The following LRRTM4 variants were observed in gnomAD, a reference collection of about 807,000 sequenced individuals.
LRRTM4 encodes leucine rich repeat transmembrane neuronal 4, also known as leucine-rich repeat transmembrane neuronal protein 4.
A neutral mutation model predicts 47.6 loss-of-function variants in LRRTM4; 25 were observed. The ratio of observed to expected loss-of-function variants is 0.53; its 90% CI spans 0.38 to 0.73. The LOEUF (loss-of-function observed/expected upper bound fraction) is 0.73, where lower values mean the gene tolerates loss of function less well. LRRTM4 is among the 30% of genes least tolerant of loss of function. The pLI, the probability that LRRTM4 is intolerant of heterozygous loss-of-function variation, is 0.00. For synonymous variants in LRRTM4, 311 were observed against 269.5 expected, an observed-to-expected ratio of 1.15 and a Z score of -1.51; for missense variants, 638 against 713.4, an observed-to-expected ratio of 0.89 and a Z score of 1.20.
At chr2:77,324,210 G>GTTTATAATAATATTAATAA (rs1670666148) in intron 3 of LRRTM4, among the ~76,000 whole-genome samples, 1 of 151,918 alleles carries the variant, frequency 6.6e-6, no homozygotes, top group Non-Finnish European at 1.5e-5. Context: ...ATTTTTTCTC[G>GTTTATAATAATATTAATAA]ACAAATATTT....
intron 3 of LRRTM4, among the ~76,000 whole-genome samples, chr2:76,901,114 A>G (rs1929459): frequency 0.61 from 93,207 of 151,874 alleles, 30,288 homozygotes; most frequent in African/African-American, 0.83. Flanking sequence ...GTAAACGTAT[A>G]CCATGGTGGT....
intron 3 of LRRTM4, among the ~76,000 whole-genome samples, chr2:76,884,207 C>A (rs886683025): frequency 6.6e-6 from 1 of 152,104 alleles, no homozygotes; most frequent in African/African-American, 2.4e-5. Context: ...TGAATTTTCA[C>A]AAAATCCTAT....
At chr2:76,906,348 G>C (rs562747459) in intron 3 of LRRTM4, among the ~76,000 whole-genome samples, 4 of 152,086 alleles carry the variant, frequency 2.6e-5, no homozygotes, top group African/African-American at 9.6e-5. Context: ...TGAAGGAAGC[G>C]CTAAACGTGG....
intron 3 of LRRTM4, among the ~76,000 whole-genome samples, chr2:77,314,459 A>T (rs1353388773): frequency 6.6e-6 from 1 of 152,218 alleles, no homozygotes; most frequent in Non-Finnish European, 1.5e-5. Context: ...ATATATCTAA[A>T]CTAGTTTTCT....
intron 3 of LRRTM4, among the ~76,000 whole-genome samples, chr2:76,897,145 C>T (rs1375141835): frequency 6.6e-6 from 1 of 152,092 alleles, no homozygotes; most frequent in African/African-American, 2.4e-5. Flanking sequence ...ACTCTGAGAA[C>T]TTGTGATGAC....
At chr2:77,089,728 A>G (rs536686760) in intron 3 of LRRTM4, among the ~76,000 whole-genome samples, 2 of 152,172 alleles carry the variant, frequency 1.3e-5, no homozygotes, top group Non-Finnish European at 2.9e-5. Flanking sequence ...CCTAAAACCT[A>G]AATGCCTTAT....
chr2:77,371,390 T>G (rs564627920), intron 3 of LRRTM4, among the ~76,000 whole-genome samples: 1 of 151,856 alleles, frequency 6.6e-6, no homozygotes, highest in African/African-American at 2.4e-5. Context: ...TGTCAGCTAC[T>G]TTTACCATTC....
chr2:77,019,854 G>C (rs1303972150), intron 3 of LRRTM4, among the ~76,000 whole-genome samples: 9 of 152,020 alleles, frequency 5.9e-5, no homozygotes, highest in Non-Finnish European at 1.0e-4. Flanking sequence ...CTGGGTAATG[G>C]GAAAAGGTTA....
At chr2:76,926,725 T>C (rs1273150566) in intron 3 of LRRTM4, among the ~76,000 whole-genome samples, 1 of 152,120 alleles carries the variant, frequency 6.6e-6, no homozygotes, top group African/African-American at 2.4e-5. Flanking sequence ...GAGATGATAC[T>C]ACCAGATGCC....
intron 3 of LRRTM4, among the ~76,000 whole-genome samples, chr2:76,750,327 A>G (rs1203312582): frequency 6.6e-6 from 1 of 152,168 alleles, no homozygotes; most frequent in Admixed American, 6.5e-5. Flanking sequence ...CTTCTCCTCC[A>G]AGCTTTTAAG....
intron 3 of LRRTM4, among the ~76,000 whole-genome samples, chr2:77,502,826 G>A (rs980987063): frequency 2.0e-5 from 3 of 151,584 alleles, no homozygotes; most frequent in Non-Finnish European, 4.4e-5. Context: ...TTTCTGCAAC[G>A]GCTTCCTGAG....
intron 3 of LRRTM4, among the ~76,000 whole-genome samples, chr2:76,881,605 G>C (rs1425845109): frequency 6.7e-6 from 1 of 148,982 alleles, no homozygotes; most frequent in Non-Finnish European, 1.5e-5. Flanking sequence ...AATTCTCCTT[G>C]TGATACTTTT....
intron 3 of LRRTM4, among the ~76,000 whole-genome samples, chr2:76,756,112 G>A (rs1673022894): frequency 6.6e-6 from 1 of 152,192 alleles, no homozygotes; most frequent in Admixed American, 6.5e-5. Context: ...TTTTGACCCA[G>A]TATGCTGTGG....
chr2:76,890,031 T>G (rs2104151187), intron 3 of LRRTM4, among the ~76,000 whole-genome samples: 1 of 151,994 alleles, frequency 6.6e-6, no homozygotes, highest in South Asian at 2.1e-4. Flanking sequence ...AAAAAAAGAT[T>G]TGAGATCATT....
chr2:77,073,774 T>C (rs868617312), intron 3 of LRRTM4, among the ~76,000 whole-genome samples: 5 of 152,134 alleles, frequency 3.3e-5, no homozygotes, highest in East Asian at 1.9e-4. Context: ...TCTCTCTATA[T>C]ATACAAATAT....
chr2:77,048,272 G>A (rs891877768), intron 3 of LRRTM4, among the ~76,000 whole-genome samples: 5 of 152,014 alleles, frequency 3.3e-5, no homozygotes, highest in Admixed American at 3.3e-4. Flanking sequence ...ATGGTCAGCT[G>A]AAGTATTGGC....
intron 3 of LRRTM4, among the ~76,000 whole-genome samples, chr2:77,233,833 C>T: frequency 6.6e-6 from 1 of 152,136 alleles, no homozygotes; most frequent in East Asian, 1.9e-4. Flanking sequence ...GTCACCCAGG[C>T]TGGAGTGCAA....
intron 3 of LRRTM4, among the ~76,000 whole-genome samples, chr2:77,479,520 C>G (rs1048939150): frequency 3.9e-5 from 6 of 152,168 alleles, no homozygotes; most frequent in African/African-American, 1.4e-4. Context: ...TCTCTCCAGA[C>G]TCCTAAACAA....
intron 3 of LRRTM4, among the ~76,000 whole-genome samples, chr2:77,054,227 C>A (rs1311843258): frequency 6.7e-6 from 1 of 150,346 alleles, no homozygotes; most frequent in Non-Finnish European, 1.5e-5. Context: ...AGCTTCTAGC[C>A]AAATGTGCAA....
Sources: gnomAD v4.1 joint callset for allele counts (sites outside exome capture counted in the v4.1 genomes callset) on GRCh38, gnomAD v4.1.1 for gene constraint, MANE v1.5 for transcripts, NCBI Gene and HGNC (gene_info 2026-07-23, HGNC 2026-07-21) for gene names.